COL24A1: variants seen among roughly 807,000 people sequenced by gnomAD.
COL24A1 encodes the protein collagen type XXIV alpha 1 chain.
In COL24A1, 224 loss-of-function variants were observed where a neutral mutation model predicts 253.9. The observed-to-expected ratio is 0.88, with a 90% CI of 0.79 to 0.99. The LOEUF (loss-of-function observed/expected upper bound fraction) is 0.99, where lower values mean the gene tolerates loss of function less well. COL24A1 is among the 50% of genes least tolerant of loss of function. The pLI, the probability that COL24A1 is intolerant of heterozygous loss-of-function variation, is 0.00. For synonymous variants in COL24A1, 685 were observed against 673.7 expected, an observed-to-expected ratio of 1.02 and a Z score of -0.26; for missense variants, 2,131 against 2,068.5, an observed-to-expected ratio of 1.03 and a Z score of -0.59.
intron 7 of COL24A1, 36 bp downstream of exon 7, chr1:86,089,138 G>GAAAAAAAAA (rs772200604): frequency 3.1e-5 from 47 of 1,519,052 alleles, no homozygotes; most frequent in Admixed American, 1.1e-4. Context: ...AAGAAAAAAA[G>GAAAAAAAAA]AAGAAAAAAA....
chr1:86,055,695 G>T (rs926600964), intron 10 of COL24A1, among the ~76,000 whole-genome samples: 1 of 152,100 alleles, frequency 6.6e-6, no homozygotes, highest in African/African-American at 2.4e-5. Context: ...TATACCTTAA[G>T]AATGCTCATC....
chr1:86,123,852 C>A (rs1314616489), intron 3 of COL24A1, among the ~76,000 whole-genome samples: 1 of 151,722 alleles, frequency 6.6e-6, no homozygotes, highest in Non-Finnish European at 1.5e-5. Context: ...TAGGAATAAC[C>A]ACAAAGGAAA....
chr1:85,829,752 G>A (rs376293428), intron 43 of COL24A1, among the ~76,000 whole-genome samples: 10 of 151,982 alleles, frequency 6.6e-5, no homozygotes, highest in East Asian at 1.9e-4. Flanking sequence ...CGTAGTTCTC[G>A]AGCCTTGGTT....
At chr1:85,831,514 C>T (rs567542755) in intron 43 of COL24A1, among the ~76,000 whole-genome samples, 1 of 152,064 alleles carries the variant, frequency 6.6e-6, no homozygotes, top group Non-Finnish European at 1.5e-5. Flanking sequence ...GTTTATCACT[C>T]TAAAAATTGA....
rs1472181820 is a variant in COL24A1, at chr1:85,896,022, A to AT, written c.2875dup (p.Ile959AsnfsTer3). On this transcript the variant is annotated frameshift_variant and splice_region_variant, in exon 30 of 60. Coordinates refer to ENST00000370571, the MANE Select transcript of COL24A1 (RefSeq NM_152890.7). LOFTEE classifies it high-confidence loss of function. ...AATGTGAAATGTTTTATTACTTACAATAAGACCATGAGGCCCTCTTTTTCC... is the reference window on the plus strand; with the variant it reads ...AATGTGAAATGTTTTATTACTTACAATTAAGACCATGAGGCCCTCTTTTTCC... The AT allele has an allele frequency of 6.2e-7, 1 of 1,610,874 alleles. No individual in the cohort carries two copies. Among genetic ancestry groups the AT allele is most frequent in the South Asian group, 1.1e-5 (1 of 90,106 alleles).
intron 35 of COL24A1, among the ~76,000 whole-genome samples, chr1:85,872,704 C>T (rs890318931): frequency 6.6e-6 from 1 of 152,196 alleles, no homozygotes; most frequent in African/African-American, 2.4e-5. Context: ...GGATTAAAGA[C>T]TTAAATGTTA....
chr1:85,806,075 CAA>C (rs59669169), intron 47 of COL24A1, among the ~76,000 whole-genome samples: 1,492 of 95,096 alleles, frequency 0.016, 36 homozygotes, highest in Admixed American at 0.081. Flanking sequence ...GACTCCGTCT[CAA>C]AAAAAAAAAA....
intron 24 of COL24A1, among the ~76,000 whole-genome samples, chr1:85,959,050 T>C (rs912840704): frequency 2.6e-5 from 4 of 152,044 alleles, no homozygotes; most frequent in Non-Finnish European, 4.4e-5. Flanking sequence ...TACAAAAAGA[T>C]TGAACAAAGT....
chr1:85,795,820 A>G (rs1015136563), intron 47 of COL24A1, among the ~76,000 whole-genome samples: 3 of 152,044 alleles, frequency 2.0e-5, no homozygotes, highest in Admixed American at 6.5e-5. Flanking sequence ...TTTTTTCTTA[A>G]GCCAGCAAAC....
At chr1:86,046,965 AAGAC>A in intron 11 of COL24A1, 96 bp from the exon 12 acceptor site, 1 of 792,260 alleles carries the variant, frequency 1.3e-6, no homozygotes, top group African/African-American at 1.7e-5. Context: ...AAGTATGAAA[AAGAC>A]AAAAACAAAT....
intron 28 of COL24A1, among the ~76,000 whole-genome samples, chr1:85,898,221 A>G (rs180775671): frequency 8.1e-4 from 124 of 152,350 alleles, no homozygotes; most frequent in African/African-American, 2.8e-3. Context: ...CTCCCAGGAC[A>G]ACATACAGAT....
chr1:85,741,530 A>G (rs1664641619), intron 57 of COL24A1, among the ~76,000 whole-genome samples: 1 of 152,176 alleles, frequency 6.6e-6, no homozygotes, highest in Admixed American at 6.5e-5. Context: ...TATCTTTACT[A>G]CTAGAATGCA....
intron 2 of COL24A1, among the ~76,000 whole-genome samples, chr1:86,139,402 A>G (rs1650755307): frequency 6.6e-6 from 1 of 152,204 alleles, no homozygotes; most frequent in Non-Finnish European, 1.5e-5. Context: ...AACTCATTTT[A>G]CAAGTACAGA....
At chr1:85,843,163 C>A (rs1008386435) in intron 39 of COL24A1, among the ~76,000 whole-genome samples, 1 of 152,100 alleles carries the variant, frequency 6.6e-6, no homozygotes, top group Non-Finnish European at 1.5e-5. Flanking sequence ...AAATGTCATA[C>A]TAGAACTAAG....
At chr1:85,989,038 T>C (rs1693986654) in intron 19 of COL24A1, among the ~76,000 whole-genome samples, 1 of 152,156 alleles carries the variant, frequency 6.6e-6, no homozygotes, top group African/African-American at 2.4e-5. Flanking sequence ...TTTGTATATA[T>C]GGCAATTTTT....
intron 7 of COL24A1, among the ~76,000 whole-genome samples, chr1:86,078,174 A>G (rs1382012407): frequency 1.3e-5 from 2 of 152,208 alleles, no homozygotes; most frequent in African/African-American, 4.8e-5. Context: ...GTGATATATC[A>G]TATCAACAGA....
intron 19 of COL24A1, among the ~76,000 whole-genome samples, chr1:86,005,081 TA>T (rs1695811206): frequency 6.6e-6 from 1 of 151,938 alleles, no homozygotes; most frequent in African/African-American, 2.4e-5. Context: ...GAGGGGAATG[TA>T]AAATGGACAG....
In COL24A1 at chr1:86,104,785, G is replaced by T. The variant is rs563932037; in HGVS notation, c.1599+7782C>A. On this transcript the variant is annotated intron_variant, in intron 5 of 59. Transcript: ENST00000370571. The stretch of plus-strand genomic sequence containing the variant: ...CTAAGTTCCTGGACCATTGATCACA[G>T]CATTCCAATGGGTAGTGCTAGCCAA... 2.6e-5 allele frequency among the ~76,000 whole-genome samples: 4 copies of T among 152,344 alleles called. No homozygotes were observed. The East Asian group carries it at 7.7e-4, about 29-fold the overall frequency.
chr1:85,897,723 T>A (rs895617812), intron 28 of COL24A1, among the ~76,000 whole-genome samples: 3 of 152,214 alleles, frequency 2.0e-5, no homozygotes, highest in Non-Finnish European at 4.4e-5. Flanking sequence ...TTCAGGGACT[T>A]GATTCAATTC....
Sources: gnomAD v4.1 joint callset for allele counts (sites outside exome capture counted in the v4.1 genomes callset) on GRCh38, gnomAD v4.1.1 for gene constraint, MANE v1.5 for transcripts, NCBI Gene and HGNC (gene_info 2026-07-23, HGNC 2026-07-21) for gene names.